The following PRKCH variants were observed in gnomAD, a reference collection of about 807,000 sequenced individuals.
PRKCH encodes protein kinase C eta.
PRKCH carries 28 observed loss-of-function variants against 82.5 expected under a neutral mutation model. That is an observed-to-expected ratio of 0.34 (90% CI 0.25 to 0.47). The LOEUF is 0.47. Among genes scored for constraint, PRKCH ranks in the 20% least tolerant of loss-of-function variants. The pLI is 1.00. For synonymous variants in PRKCH, 322 were observed against 327.4 expected, an observed-to-expected ratio of 0.98 and a Z score of 0.18; for missense variants, 705 against 881.8, an observed-to-expected ratio of 0.80 and a Z score of 2.54.
chr14:61,227,584 C>T (rs998034740), intron 1 of PRKCH, among the ~76,000 whole-genome samples: 1 of 151,016 alleles, frequency 6.6e-6, no homozygotes, highest in Non-Finnish European at 1.5e-5. Context: ...AAGAGCGAGA[C>T]TCTGTCTCAA....
chr14:61,314,996 C>T (rs150429936), intron 1 of PRKCH, among the ~76,000 whole-genome samples: 8 of 152,310 alleles, frequency 5.3e-5, no homozygotes, highest in East Asian at 1.9e-4. Flanking sequence ...GTTCTTTACT[C>T]GTTCTGCCCA....
chr14:61,251,466 T>C (rs1311155747), intron 1 of PRKCH, among the ~76,000 whole-genome samples: 1 of 152,214 alleles, frequency 6.6e-6, no homozygotes, highest in Non-Finnish European at 1.5e-5. Context: ...TGTCTTTCTG[T>C]GCCTGGCTTA....
At chr14:61,348,342 A>G (rs1420229781) in intron 1 of PRKCH, among the ~76,000 whole-genome samples, 1 of 152,082 alleles carries the variant, frequency 6.6e-6, no homozygotes, top group Admixed American at 6.5e-5. Flanking sequence ...TAGAAGGAAA[A>G]AGCTCGTGGA....
At chr14:61,393,882 T>C (rs1439734388) in intron 2 of PRKCH, among the ~76,000 whole-genome samples, 2 of 152,262 alleles carry the variant, frequency 1.3e-5, no homozygotes. Flanking sequence ...GCGGTTTCCC[T>C]CCTTCACGTG....
At chr14:61,320,982 C>T (rs1490181179), upstream of PRKCH, among the ~76,000 whole-genome samples, 3 of 152,206 alleles carry the variant, frequency 2.0e-5, no homozygotes, top group Admixed American at 2.0e-4. Context: ...CTATGTGCAA[C>T]AAGACACACC....
intron 1 of PRKCH, among the ~76,000 whole-genome samples, chr14:61,370,744 C>G (rs1260707656): frequency 6.6e-6 from 1 of 152,086 alleles, no homozygotes; most frequent in African/African-American, 2.4e-5. Context: ...TCTTCTACTT[C>G]TGTTTTTAGT....
intron 2 of PRKCH, among the ~76,000 whole-genome samples, chr14:61,430,040 A>T (rs1305693290): frequency 6.6e-6 from 1 of 152,208 alleles, no homozygotes; most frequent in African/African-American, 2.4e-5. Flanking sequence ...AATTCCATGG[A>T]ATCAAGAGTA....
chr14:61,501,549 CATTT>C (rs2139951512), intron 10 of PRKCH, among the ~76,000 whole-genome samples: 1 of 151,708 alleles, frequency 6.6e-6, no homozygotes, highest in Non-Finnish European at 1.5e-5. Flanking sequence ...TTGTTCATTT[CATTT>C]GTTATCCCTC....
At chr14:61,237,989 G>A (rs2044804948) in intron 1 of PRKCH, among the ~76,000 whole-genome samples, 1 of 152,244 alleles carries the variant, frequency 6.6e-6, no homozygotes, top group South Asian at 2.1e-4. Context: ...AACAAGGCTT[G>A]AAGAGTTGGC....
intron 10 of PRKCH, among the ~76,000 whole-genome samples, chr14:61,517,532 T>TA (rs1246686449): frequency 2.0e-5 from 3 of 152,196 alleles, no homozygotes; most frequent in African/African-American, 7.2e-5. Context: ...GTGTCTGGCT[T>TA]ACCTTCCTGA....
intron 10 of PRKCH, among the ~76,000 whole-genome samples, chr14:61,493,449 A>G (rs1886539777): frequency 6.6e-6 from 1 of 152,204 alleles, no homozygotes; most frequent in South Asian, 2.1e-4. Flanking sequence ...TCCACACAGT[A>G]CTTACCATGG....
intron 2 of PRKCH, among the ~76,000 whole-genome samples, chr14:61,393,534 T>G (rs78288304): frequency 0.021 from 3,227 of 152,324 alleles, 79 homozygotes; most frequent in East Asian, 0.082. Context: ...TCTAACTCTT[T>G]CTCCTATGGG....
intron 2 of PRKCH, among the ~76,000 whole-genome samples, chr14:61,438,188 G>C (rs1883769555): frequency 6.6e-6 from 1 of 152,192 alleles, no homozygotes; most frequent in African/African-American, 2.4e-5. Context: ...GCACACCCCA[G>C]GCTCCAGATT....
intron 2 of PRKCH, among the ~76,000 whole-genome samples, chr14:61,431,046 A>G (rs185126761): frequency 1.6e-4 from 24 of 152,308 alleles, no homozygotes; most frequent in African/African-American, 5.1e-4. Flanking sequence ...GAGCCGCGGC[A>G]CCCGGCCAAT....
intron 9 of PRKCH, among the ~76,000 whole-genome samples, chr14:61,461,507 G>C (rs575651572): frequency 1.3e-5 from 2 of 152,272 alleles, no homozygotes; most frequent in South Asian, 2.1e-4. Flanking sequence ...AACATCACAT[G>C]GTTTCCTATG....
chr14:61,280,581 C>T lies in PRKCH; in HGVS notation c.-19+92913C>T. ...AGGCGATGCCGGAGCGGTCGAGCGG[C>T]ACCTCGACGTAGGGCCCGCCGGGCT... On this transcript the variant is annotated intron_variant, in intron 1 of 3. Coordinates refer to the PRKCH transcript ENST00000555185. This position sits in a 1 kb window ranked among gnomAD's most constrained non-coding sequence, Gnocchi z 5.0. 6.2e-7 allele frequency: 1 copy of T among 1,600,972 alleles called. No individual in the cohort carries two copies.
chr14:61,328,237 A>G (rs1034772549), intron 1 of PRKCH, among the ~76,000 whole-genome samples: 1 of 144,876 alleles, frequency 6.9e-6, no homozygotes, highest in African/African-American at 2.6e-5. Flanking sequence ...GGCCTGGGCA[A>G]CAGAGCGAGA....
At chr14:61,245,119 G>A (rs1218667164) in intron 1 of PRKCH, among the ~76,000 whole-genome samples, 1 of 152,164 alleles carries the variant, frequency 6.6e-6, no homozygotes. Flanking sequence ...TACATGCTTA[G>A]ACAAGAAATA....
intron 10 of PRKCH, among the ~76,000 whole-genome samples, chr14:61,505,344 G>GAA (rs1566918489): frequency 1.3e-5 from 2 of 149,862 alleles, no homozygotes; most frequent in East Asian, 4.0e-4. Context: ...TTCACATGGT[G>GAA]GAAGCCGTGA....
Sources: gnomAD v4.1 joint callset for allele counts (sites outside exome capture counted in the v4.1 genomes callset) on GRCh38, gnomAD v4.1.1 for gene constraint, Gnocchi (gnomAD v3.1) non-coding constraint, MANE v1.5 for transcripts, NCBI Gene and HGNC (gene_info 2026-07-23, HGNC 2026-07-21) for gene names.